The following DCAF6 variants were observed in gnomAD, a reference collection of about 807,000 sequenced individuals.
The protein encoded by DCAF6 is DDB1- and CUL4-associated factor 6.
Under a neutral mutation model 125.1 loss-of-function variants are expected in DCAF6, and 54 were observed. The observed-to-expected ratio is 0.43, with a 90% CI of 0.35 to 0.54. The LOEUF (loss-of-function observed/expected upper bound fraction) is 0.54, where lower values mean the gene tolerates loss of function less well. Ranked by LOEUF, DCAF6 falls within the 20% of genes least tolerant of loss-of-function variation. DCAF6 has a pLI of 0.01. For synonymous variants in DCAF6, 371 were observed against 390.4 expected (o/e 0.95, Z 0.58); for missense variants, 934 against 1,161.7 (o/e 0.80, Z 2.85).
chr1:167,984,440 A>T (rs1679650648), intron 4 of DCAF6, among the ~76,000 whole-genome samples: 1 of 152,232 alleles, frequency 6.6e-6, no homozygotes. Flanking sequence ...TAATTTGATT[A>T]TCAAATTCAG....
intron 1 of DCAF6, among the ~76,000 whole-genome samples, chr1:167,950,558 A>T (rs1673769649): frequency 6.6e-6 from 1 of 152,198 alleles, no homozygotes; most frequent in African/African-American, 2.4e-5. Context: ...AATAACATGG[A>T]GAAAGAAGTA....
chr1:167,917,984 G>A, the DCAF6 span: 2 of 189,614 alleles, frequency 1.1e-5, no homozygotes, highest in African/African-American at 4.7e-5. Context: ...TAAATAAGCA[G>A]ATAATTTAAT....
the DCAF6 span, among the ~76,000 whole-genome samples, chr1:167,914,778 C>T: frequency 2.0e-5 from 3 of 152,182 alleles, no homozygotes; most frequent in East Asian, 1.9e-4. Flanking sequence ...TTTAGGGGCA[C>T]AGCTTTTAAA....
At chr1:167,924,567 G>A in the DCAF6 span, 2 of 1,463,342 alleles carry the variant, frequency 1.4e-6, no homozygotes, top group Non-Finnish European at 1.8e-6. Context: ...AAAAATTCAG[G>A]AATAAACCAA....
At chr1:167,893,628 G>A in the DCAF6 span, among the ~76,000 whole-genome samples, 5 of 149,790 alleles carry the variant, frequency 3.3e-5, no homozygotes, top group Non-Finnish European at 5.9e-5. Flanking sequence ...CCCGGGAGGC[G>A]GAGGTTGCAG....
At position 167,975,013 on chromosome 1, in the gene DCAF6, G is replaced by A; in HGVS notation, c.436G>A (p.Glu146Lys). 1 of 1,584,792 alleles carries A rather than the reference G, an allele frequency of 6.3e-7. No individual in the cohort carries two copies. Among genetic ancestry groups the A allele is most frequent in the Non-Finnish European group, 8.6e-7 (1 of 1,165,740 alleles). The change falls in exon 4 of 22, where the codon GAG (glutamate) becomes AAG (lysine). Residue 146 changes from glutamate (E) to lysine (K), a missense_variant and splice_region_variant. Around this residue, in one of 5 missense-constraint regions of DCAF6, gnomAD observed 309 missense variants for 381.2 expected, o/e 0.81. Coordinates refer to ENST00000367840, the MANE Select transcript of DCAF6 (RefSeq NM_001198956.2). ...QFTCHYGTTY[E>K]IMTVPNDPYT... is the part of the protein sequence containing the mutation. ...TACGTGTCATTATGGAACTACTTATGAGGTATGGTATTATTATGATTATAT... is the reference window on the plus strand; with the variant it reads ...TACGTGTCATTATGGAACTACTTATAAGGTATGGTATTATTATGATTATAT...
intron 2 of DCAF6, among the ~76,000 whole-genome samples, chr1:167,960,592 A>G (rs1433598608): frequency 6.6e-6 from 1 of 152,092 alleles, no homozygotes; most frequent in African/African-American, 2.4e-5. Flanking sequence ...ACTTTATAGT[A>G]AGTCTTGAAG....
At chr1:167,924,425 G>T in the DCAF6 span, 10 of 1,281,500 alleles carry the variant, frequency 7.8e-6, no homozygotes. Flanking sequence ...CTTCATAAAA[G>T]TTACTTCAAA....
chr1:167,907,333 T>C, the DCAF6 span, among the ~76,000 whole-genome samples: 1 of 152,236 alleles, frequency 6.6e-6, no homozygotes, highest in Non-Finnish European at 1.5e-5. Flanking sequence ...GAAATCTCAA[T>C]GGCTTGAAAT....
intron 16 of DCAF6, among the ~76,000 whole-genome samples, chr1:168,047,772 TTACA>T (rs889769977): frequency 2.0e-4 from 30 of 152,012 alleles, no homozygotes; most frequent in African/African-American, 7.0e-4. Context: ...AGAGTAACAA[TTACA>T]TTAATTTTCC....
At chr1:167,883,893 G>A in the DCAF6 span, among the ~76,000 whole-genome samples, 1 of 152,112 alleles carries the variant, frequency 6.6e-6, no homozygotes, top group Non-Finnish European at 1.5e-5. Context: ...ATGCCAATAT[G>A]AGCCATTGCA....
chr1:167,958,219 G>A (rs545694115), intron 2 of DCAF6, among the ~76,000 whole-genome samples: 1 of 152,050 alleles, frequency 6.6e-6, no homozygotes, highest in African/African-American at 2.4e-5. Context: ...TTAATCACTG[G>A]TCGTGAAGAT....
At chr1:168,062,453 C>T (rs1691717465) in intron 17 of DCAF6, among the ~76,000 whole-genome samples, 1 of 151,990 alleles carries the variant, frequency 6.6e-6, no homozygotes, top group Non-Finnish European at 1.5e-5. Flanking sequence ...CTTTCAAACT[C>T]CTCTCAGTAA....
chr1:167,914,971 C>A, the DCAF6 span, among the ~76,000 whole-genome samples: 8 of 152,148 alleles, frequency 5.3e-5, no homozygotes, highest in African/African-American at 1.4e-4. Flanking sequence ...GGAAACCAGT[C>A]TTATAATTAG....
intron 12 of DCAF6, among the ~76,000 whole-genome samples, chr1:168,026,324 T>A (rs1165024013): frequency 6.6e-6 from 1 of 152,188 alleles, no homozygotes; most frequent in East Asian, 1.9e-4. Context: ...AATGAATTCT[T>A]TAAGCAATTA....
At chr1:168,003,411 G>T (rs1314807741) in intron 8 of DCAF6, among the ~76,000 whole-genome samples, 2 of 152,180 alleles carry the variant, frequency 1.3e-5, no homozygotes, top group Non-Finnish European at 1.5e-5. Flanking sequence ...AAATGATGTT[G>T]AAAATAAATT....
chr1:168,004,294 A>T (rs983171484), intron 9 of DCAF6, among the ~76,000 whole-genome samples: 42 of 152,262 alleles, frequency 2.8e-4, no homozygotes, highest in African/African-American at 9.6e-4. Context: ...TTCTGTGTAT[A>T]AACAAGTTTT....
chr1:167,918,416 A>G, the DCAF6 span: 1 of 1,167,388 alleles, frequency 8.6e-7, no homozygotes, highest in South Asian at 1.3e-5. Context: ...AATTTATGGT[A>G]AGGAGAGAAT....
At chr1:167,986,210 G>C (rs189418237) in intron 4 of DCAF6, among the ~76,000 whole-genome samples, 1 of 152,162 alleles carries the variant, frequency 6.6e-6, no homozygotes, top group African/African-American at 2.4e-5. Flanking sequence ...CCATGCAGGC[G>C]TTTATTTTTA....
Sources: allele counts gnomAD v4.1 joint callset (sites outside exome capture counted in the v4.1 genomes callset), GRCh38; gene constraint gnomAD v4.1.1; regional missense constraint gnomAD v4.1.1; transcripts MANE v1.5; gene names NCBI Gene and HGNC (gene_info 2026-07-23, HGNC 2026-07-21).